GK3: variants seen among roughly 807,000 people sequenced by gnomAD.
GK3 encodes glycerol kinase 3, also known as glycerol kinase 3 pseudogene.
chr4:165,278,289 C>T, the GK3 span: 70 of 1,065,922 alleles, frequency 6.6e-5, no homozygotes, highest in Non-Finnish European at 9.9e-5. Context: ...GCAGTGGTTT[C>T]GGGCATCAAG....
chr4:165,278,677 A>T, the GK3 span: 1 of 1,601,654 alleles, frequency 6.2e-7, no homozygotes, highest in Non-Finnish European at 8.6e-7. Context: ...CACCAGCTAT[A>T]GCTACAGAAC....
chr4:165,278,939 G>A, the GK3 span: 2 of 1,441,414 alleles, frequency 1.4e-6, no homozygotes, highest in Non-Finnish European at 2.0e-6. Flanking sequence ...GATCTCAGAA[G>A]AACTCCGAAC....
chr4:165,279,575 C>T, the GK3 span: 27 of 1,599,174 alleles, frequency 1.7e-5, no homozygotes, highest in East Asian at 4.9e-4. Flanking sequence ...AACCAAAAAG[C>T]GCGTGGAACT....
the GK3 span, chr4:165,278,036 A>T: frequency 6.7e-7 from 1 of 1,503,328 alleles, no homozygotes. Flanking sequence ...CATGCTACTC[A>T]CTATAAAAAA....
At chr4:165,279,131 C>A in the GK3 span, 1 of 1,602,028 alleles carries the variant, frequency 6.2e-7, no homozygotes, top group Non-Finnish European at 8.6e-7. Context: ...AAAAAGAGCT[C>A]GTTTTTCTTC....
chr4:165,279,033 T>C, the GK3 span: 1 of 1,505,204 alleles, frequency 6.6e-7, no homozygotes, highest in Non-Finnish European at 9.3e-7. Context: ...AAAAGCATAG[T>C]CCTACTTGCA....
At chr4:165,278,197 C>T in the GK3 span, 40 of 1,255,114 alleles carry the variant, frequency 3.2e-5, no homozygotes, top group African/African-American at 3.8e-4. Context: ...ACCGCTCCAT[C>T]GTGACGGCGG....
At chr4:165,278,054 G>A in the GK3 span, 2 of 1,534,852 alleles carry the variant, frequency 1.3e-6, no homozygotes, top group East Asian at 4.5e-5. Context: ...AAAGCCCAAG[G>A]GCAGACTACA....
the GK3 span, chr4:165,278,472 T>C: frequency 6.3e-7 from 1 of 1,576,860 alleles, no homozygotes; most frequent in African/African-American, 1.3e-5. Context: ...GCAAAAGCAA[T>C]ATGGCATTTA....
chr4:165,277,907 C>T, the GK3 span: 1 of 854,624 alleles, frequency 1.2e-6, no homozygotes, highest in Non-Finnish European at 2.1e-6. Context: ...AGTGTCATCG[C>T]ATTAAGAGAC....
chr4:165,279,022 G>A, the GK3 span: 1 of 1,506,662 alleles, frequency 6.6e-7, no homozygotes, highest in East Asian at 2.3e-5. Context: ...AATGAATGTT[G>A]AAAAGCATAG....
At chr4:165,278,909 C>A in the GK3 span, 24 of 1,405,946 alleles carry the variant, frequency 1.7e-5, no homozygotes, top group Non-Finnish European at 2.4e-5. Context: ...TTCCAAGGCC[C>A]CCGCTTTCAT....
chr4:165,279,297 G>A, the GK3 span: 5 of 1,549,246 alleles, frequency 3.2e-6, no homozygotes, highest in African/African-American at 4.1e-5. Flanking sequence ...TGTGTTCTTA[G>A]ATCAAGCCAC....
chr4:165,278,451 C>T, the GK3 span: 1 of 1,535,012 alleles, frequency 6.5e-7, no homozygotes, highest in Non-Finnish European at 9.0e-7. Context: ...AAACAAACAG[C>T]TTCTAATGCA....
the GK3 span, chr4:165,277,839 G>A: frequency 1.3e-6 from 1 of 743,746 alleles, no homozygotes; most frequent in Non-Finnish European, 2.5e-6. Flanking sequence ...TTAAGCCACA[G>A]GTCTACTTGG....
At chr4:165,278,424 A>G in the GK3 span, 2 of 1,466,092 alleles carry the variant, frequency 1.4e-6, no homozygotes, top group African/African-American at 2.8e-5. Flanking sequence ...ATGGCATCCA[A>G]AATCTCTCGA....
the GK3 span, chr4:165,279,374 C>T: frequency 6.3e-7 from 1 of 1,583,814 alleles, no homozygotes; most frequent in Non-Finnish European, 8.7e-7. Context: ...CCTCTGGTTG[C>T]TGACACCAAT....
chr4:165,278,736 C>T, the GK3 span: 1 of 1,591,866 alleles, frequency 6.3e-7, no homozygotes, highest in East Asian at 2.2e-5. Context: ...TTGTAAGCCA[C>T]TGTGGTGAGA....
chr4:165,278,503 A>G, the GK3 span: 1 of 1,602,872 alleles, frequency 6.2e-7, no homozygotes, highest in Admixed American at 1.7e-5. Flanking sequence ...GAGTGAGTCC[A>G]CAGATTATCC....
Sources: gnomAD v4.1 joint callset for allele counts on GRCh38, gnomAD v4.1.1 for gene constraint, MANE v1.5 for transcripts, NCBI Gene and HGNC (gene_info 2026-07-23, HGNC 2026-07-21) for gene names.